DYNC2H1: variants seen among roughly 807,000 people sequenced by gnomAD.
The protein encoded by DYNC2H1 is cytoplasmic dynein 2 heavy chain 1.
In DYNC2H1, 410 loss-of-function variants were observed where a neutral mutation model predicts 570.0. That is an observed-to-expected ratio of 0.72 (90% confidence interval 0.66 to 0.78). DYNC2H1 has a LOEUF of 0.78. Among genes scored for constraint, DYNC2H1 ranks in the 30% least tolerant of loss-of-function variants. The pLI, the probability that DYNC2H1 is intolerant of heterozygous loss-of-function variation, is 0.00. For missense variants in DYNC2H1, 4,865 were observed against 5,046.4 expected (o/e 0.96, Z 1.09); for synonymous variants, 1,688 against 1,677.6 (o/e 1.01, Z -0.15).
In DYNC2H1 at chr11:103,249,535, C is replaced by G. The variant is rs188445652; in HGVS notation, c.10043-3750C>G. On this transcript the variant is annotated intron_variant, in intron 65 of 88. Coordinates refer to ENST00000375735, the MANE Select transcript of DYNC2H1 (RefSeq NM_001377.3). This position sits in a 1 kb window ranked among gnomAD's most constrained non-coding sequence, Gnocchi z 4.6. ...CTTCTCCACAAGGATAACCACATTCCTAACTTACAACAGCATAGAGAAGTT... is the reference window on the plus strand; with the variant it reads ...CTTCTCCACAAGGATAACCACATTCGTAACTTACAACAGCATAGAGAAGTT... Among the ~76,000 whole-genome samples, 86 of 152,012 alleles carry G rather than the reference C, an allele frequency of 5.7e-4. No individual in the cohort carries two copies. The East Asian group carries it at 0.014, about 24-fold the overall frequency.
At chr11:103,111,481 C>T (rs1257161561) in intron 1 of DYNC2H1, among the ~76,000 whole-genome samples, 2 of 152,126 alleles carry the variant, frequency 1.3e-5, no homozygotes, top group Non-Finnish European at 1.5e-5. Context: ...CAATAGGTAG[C>T]GTAGTTCAGG....
intron 62 of DYNC2H1, 73 bp downstream of exon 62, chr11:103,235,886 A>G: frequency 6.4e-7 from 1 of 1,563,558 alleles, no homozygotes; most frequent in Non-Finnish European, 8.7e-7. Flanking sequence ...TCAATATACT[A>G]AAAATAGACC....
intron 54 of DYNC2H1, among the ~76,000 whole-genome samples, chr11:103,214,965 G>A (rs1001044706): frequency 4.6e-5 from 7 of 151,854 alleles, no homozygotes; most frequent in African/African-American, 1.2e-4. Context: ...CATTATTGAT[G>A]TATAGAAACA....
chr11:103,162,937 A>G (rs1435091692), intron 29 of DYNC2H1, 91 bp from the exon 30 acceptor site: 7 of 1,151,182 alleles, frequency 6.1e-6, no homozygotes, highest in African/African-American at 1.6e-5. Context: ...GTATAGAGTT[A>G]GTAGATTGTA....
chr11:103,160,952 G>T lies in DYNC2H1; in HGVS notation c.4399G>T (p.Asp1467Tyr). The change falls in exon 29 of 89, where the codon GAT (aspartate) becomes TAT (tyrosine). Residue 1467 changes from aspartate (D) to tyrosine (Y), a missense_variant. Physicochemically the swap from Asp to Tyr is radical, Grantham distance 160. Around this residue, in one of 5 missense-constraint regions of DYNC2H1, gnomAD observed 1,936 missense variants for 1,962.1 expected, o/e 0.99. Transcript: ENST00000375735. ...LFAGINSVCF[D>Y]EKSKHITAMK... is the part of the protein sequence containing the mutation. ...TTCAGGTATTAACAGTGTTTGCTTT[G>T]ATGAGAAATCAAAACATATAACTGC... The T allele has an allele frequency of 6.4e-7, 1 of 1,560,896 alleles. No individual in the cohort carries two copies. Among genetic ancestry groups the T allele is most frequent in the South Asian group, 1.3e-5 (1 of 78,902 alleles).
chr11:103,340,918 G>A (rs547816078), intron 82 of DYNC2H1, among the ~76,000 whole-genome samples: 1 of 152,080 alleles, frequency 6.6e-6, no homozygotes, highest in East Asian at 1.9e-4. Flanking sequence ...CCATATGAAT[G>A]GTTAAGAAAG....
chr11:103,376,962 A>T (rs1286632176), intron 83 of DYNC2H1, among the ~76,000 whole-genome samples: 1 of 152,054 alleles, frequency 6.6e-6, no homozygotes, highest in Non-Finnish European at 1.5e-5. Flanking sequence ...TTCTCTCCTG[A>T]CCTGCAAGGT....
Position 103,152,256 on chromosome 11 carries a change from G to A in DYNC2H1, c.3067G>A (p.Glu1023Lys). The A allele has an allele frequency of 6.2e-7, 1 of 1,606,058 alleles. No homozygotes were observed. Among genetic ancestry groups the A allele is most frequent in the Non-Finnish European group, 8.5e-7 (1 of 1,177,390 alleles). Reference protein sequence around the residue: ...AKWDKFELMMESHQLMIKDQI... With the variant: ...AKWDKFELMMKSHQLMIKDQI... ...GTGGGATAAATTTGAGTTAATGATG[G>A]AAAGTCACCAACTTATGATTAAAGA... The change falls in exon 21 of 89, where the codon GAA (glutamate) becomes AAA (lysine). Residue 1023 changes from glutamate (E) to lysine (K), a missense_variant. Transcript: ENST00000375735.
chr11:103,229,477 G>C (rs1405496125), intron 59 of DYNC2H1, among the ~76,000 whole-genome samples: 1 of 151,790 alleles, frequency 6.6e-6, no homozygotes, highest in Non-Finnish European at 1.5e-5. Flanking sequence ...TTCCTTTCTT[G>C]TATACTTTTT....
chr11:103,173,331 T>C, intron 35 of DYNC2H1, 26 bp downstream of exon 35: 1 of 1,433,210 alleles, frequency 7.0e-7, no homozygotes. Context: ...CTAAATATTT[T>C]TATATTTTAC....
Position 103,455,175 on chromosome 11 carries a change from C to T in DYNC2H1, c.12457-11C>T. ...GTGTGTATTTATATGTTCATATTTC[C>T]CCCCCTCTAGAACTGGGTAGATAAA... On this transcript the variant is annotated splice_polypyrimidine_tract_variant and intron_variant, in intron 85 of 88. Transcript: ENST00000375735. 3.1e-6 allele frequency: 5 copies of T among 1,598,188 alleles called. No homozygotes were observed. Among genetic ancestry groups the T allele is most frequent in the Non-Finnish European group, 4.3e-6 (5 of 1,167,094 alleles).
At position 103,166,013 on chromosome 11, in the gene DYNC2H1, A is replaced by G; in HGVS notation, c.4727A>G (p.Asn1576Ser). ...GTGAATAAGTTAGAGCAATATACTA[A>G]CATTGATACAAGTTCTGAGGATCCA... ...QLVNKLEQYTNIDTSSEDPGN... is the reference protein window; with the variant it reads ...QLVNKLEQYTSIDTSSEDPGN... Residue 1576 changes from asparagine (N) to serine (S), a missense_variant, in exon 31 of 89, where the codon AAC becomes AGC. Around this residue, in one of 5 missense-constraint regions of DYNC2H1, gnomAD observed 1,936 missense variants for 1,962.1 expected, o/e 0.99. Coordinates refer to ENST00000375735, the MANE Select transcript of DYNC2H1 (RefSeq NM_001377.3). 1 of 1,534,024 alleles carries G rather than the reference A, an allele frequency of 6.5e-7. No homozygotes were observed.
intron 6 of DYNC2H1, among the ~76,000 whole-genome samples, chr11:103,120,105 T>C (rs1858621304): frequency 6.6e-6 from 1 of 152,180 alleles, no homozygotes; most frequent in East Asian, 1.9e-4. Context: ...ATATTAAGGG[T>C]AGGCTCTAAA....
At position 103,341,865 on chromosome 11, in the gene DYNC2H1, C is replaced by T. The variant is rs138476485; in HGVS notation, c.12040-16378C>T. Among the ~76,000 whole-genome samples, 996 of 152,294 alleles carry T rather than the reference C, an allele frequency of 6.5e-3. 10 individuals carry two copies. Among genetic ancestry groups the T allele is most frequent in the Middle Eastern group, 0.014 (4 of 294 alleles). Reference sequence around the variant, plus strand: ...GTAAACAATAAGCTCTGCAGTATAACCAAGGTTTCTTCAATTATTTCAGTT... The same window carrying T: ...GTAAACAATAAGCTCTGCAGTATAATCAAGGTTTCTTCAATTATTTCAGTT... On this transcript the variant is annotated intron_variant, in intron 82 of 88. Coordinates refer to ENST00000375735, the MANE Select transcript of DYNC2H1 (RefSeq NM_001377.3).
At position 103,305,068 on chromosome 11, in the gene DYNC2H1, G is replaced by A. The variant is rs1867222348; in HGVS notation, c.11382+348G>A. Among the ~76,000 whole-genome samples the A allele has an allele frequency of 6.6e-6, 1 of 152,228 alleles. No individual in the cohort carries two copies. Among genetic ancestry groups the A allele is most frequent in the East Asian group, 1.9e-4 (1 of 5,178 alleles). ...ACATAGTGGGGTGTCAGAGGGAACT[G>A]CCTAACTTCCTAGGTGCTAAGGAAG... On this transcript the variant is annotated intron_variant, in intron 77 of 88. Coordinates refer to ENST00000375735, the MANE Select transcript of DYNC2H1 (RefSeq NM_001377.3). The surrounding 1 kb of genome is among the most constrained non-coding windows in gnomAD (Gnocchi z 4.3).
chr11:103,341,583 T>A (rs1279986406), intron 82 of DYNC2H1, among the ~76,000 whole-genome samples: 1 of 152,160 alleles, frequency 6.6e-6, no homozygotes, highest in Non-Finnish European at 1.5e-5. Flanking sequence ...TACAAACTTT[T>A]GGGGCAATTC....
In DYNC2H1 at chr11:103,479,146, A is replaced by C. The variant is rs374409204; in HGVS notation, c.12817A>C (p.Thr4273Pro). 3.2e-5 allele frequency: 52 copies of C among 1,613,714 alleles called. No individual in the cohort carries two copies. Among genetic ancestry groups the C allele is most frequent in the Non-Finnish European group, 4.2e-5 (50 of 1,179,766 alleles). The change falls in exon 89 of 89, where the codon ACA (threonine) becomes CCA (proline). Residue 4273 changes from threonine (T) to proline (P), a missense_variant. By Grantham distance (38) the Thr-to-Pro change is conservative. Around this residue, in one of 5 missense-constraint regions of DYNC2H1, gnomAD observed 2,401 missense variants for 2,454.6 expected, o/e 0.98. Transcript: ENST00000375735. Reference protein sequence around the residue: ...PDECISLPVYTSAERDRVVTN... With the variant: ...PDECISLPVYPSAERDRVVTN... ...TGAGTGCATCTCTTTGCCTGTTTAC[A>C]CAAGTGCTGAAAGGGATCGTGTGGT...
intron 83 of DYNC2H1, among the ~76,000 whole-genome samples, chr11:103,386,869 A>G (rs1320050203): frequency 2.0e-5 from 3 of 151,884 alleles, no homozygotes; most frequent in Non-Finnish European, 2.9e-5. Context: ...CATGGTGTGT[A>G]TGTGCCACAT....
At chr11:103,414,747 C>T (rs964876470) in intron 84 of DYNC2H1, among the ~76,000 whole-genome samples, 1 of 152,072 alleles carries the variant, frequency 6.6e-6, no homozygotes, top group Non-Finnish European at 1.5e-5. Context: ...AATAGACAAG[C>T]AAAGAGCCAA....
Sources: allele counts gnomAD v4.1 joint callset (sites outside exome capture counted in the v4.1 genomes callset), GRCh38; gene constraint gnomAD v4.1.1; regional missense constraint gnomAD v4.1.1; non-coding constraint Gnocchi (gnomAD v3.1); transcripts MANE v1.5; gene names NCBI Gene and HGNC (gene_info 2026-07-23, HGNC 2026-07-21).